MMS22L: variants seen among roughly 807,000 people sequenced by gnomAD.
The protein encoded by MMS22L is MMS22 like, DNA repair protein.
MMS22L carries 74 observed loss-of-function variants against 159.1 expected under a neutral mutation model. The observed-to-expected ratio is 0.47, with a 90% CI of 0.39 to 0.56. MMS22L has a LOEUF of 0.56. Among genes scored for constraint, MMS22L ranks in the 20% least tolerant of loss-of-function variants. The pLI is 0.00. For synonymous variants in MMS22L, 517 were observed against 506.9 expected, an observed-to-expected ratio of 1.02 and a Z score of -0.27; for missense variants, 1,351 against 1,422.1, an observed-to-expected ratio of 0.95 and a Z score of 0.80.
At chr6:97,223,683 A>T (rs1809902348) in intron 14 of MMS22L, among the ~76,000 whole-genome samples, 1 of 152,108 alleles carries the variant, frequency 6.6e-6, no homozygotes, top group Admixed American at 6.5e-5. Flanking sequence ...CTTTATTTTT[A>T]AGGTAAACAA....
At chr6:97,278,128 A>G (rs1816417789) in intron 4 of MMS22L, among the ~76,000 whole-genome samples, 1 of 152,078 alleles carries the variant, frequency 6.6e-6, no homozygotes, top group Non-Finnish European at 1.5e-5. Flanking sequence ...TTAGCTATAC[A>G]TGCGGTGGCT....
At chr6:97,201,520 A>C (rs1341280552) in intron 14 of MMS22L, among the ~76,000 whole-genome samples, 2 of 152,198 alleles carry the variant, frequency 1.3e-5, no homozygotes, top group Non-Finnish European at 2.9e-5. Flanking sequence ...GATCGAACCC[A>C]CCATCAACAA....
rs1490333222 is a variant in MMS22L at position 97,272,792 on chromosome 6, T to C, written c.518A>G (p.Glu173Gly). Residue 173 changes from glutamate to glycine, a missense_variant, in exon 6 of 25, where the codon GAG becomes GGG. Glu to Gly is a moderately conservative substitution (Grantham distance 98). Transcript: ENST00000683635. ...AATATACAAGAGTAATCCATGAAGCTCATCAATCAACACTGAGGGAAGCTG... is the reference window on the plus strand; with the variant it reads ...AATATACAAGAGTAATCCATGAAGCCCATCAATCAACACTGAGGGAAGCTG... Reference protein sequence around the residue: ...EAQLPSVLIDELHGLLLYIGH... With the variant: ...EAQLPSVLIDGLHGLLLYIGH... The C allele has an allele frequency of 4.3e-6, 7 of 1,614,016 alleles. No individual in the cohort carries two copies. Among genetic ancestry groups the C allele is most frequent in the Non-Finnish European group, 5.9e-6 (7 of 1,179,922 alleles).
At chr6:97,201,615 T>G (rs1330365500) in intron 14 of MMS22L, among the ~76,000 whole-genome samples, 2 of 152,228 alleles carry the variant, frequency 1.3e-5, no homozygotes, top group Non-Finnish European at 2.9e-5. Flanking sequence ...GCACCAGCTA[T>G]GCTGTAAAAC....
At chr6:97,259,288 T>C (rs1814182567) in intron 9 of MMS22L, 1 of 152,204 alleles carries the variant, frequency 6.6e-6, no homozygotes, top group Non-Finnish European at 1.5e-5. Flanking sequence ...ATTTTATGTG[T>C]CAACTTGAAC....
At chr6:97,268,655 T>A (rs1815409393) in intron 7 of MMS22L, among the ~76,000 whole-genome samples, 1 of 152,192 alleles carries the variant, frequency 6.6e-6, no homozygotes, top group African/African-American at 2.4e-5. Context: ...ATTATTTTTT[T>A]AACAAATACT....
chr6:97,198,697 G>A (rs1340164822), intron 14 of MMS22L, among the ~76,000 whole-genome samples: 2 of 152,054 alleles, frequency 1.3e-5, no homozygotes, highest in Non-Finnish European at 2.9e-5. Context: ...TACAAAGGCA[G>A]ACTTAGACAA....
At chr6:97,212,730 G>A (rs1270875999) in intron 14 of MMS22L, among the ~76,000 whole-genome samples, 1 of 152,160 alleles carries the variant, frequency 6.6e-6, no homozygotes, top group Non-Finnish European at 1.5e-5. Flanking sequence ...GAAAAATACA[G>A]TAATTTTTTT....
rs34561905 is a variant in MMS22L, at chr6:97,195,716, G to C, written c.2040-9026C>G. Among the ~76,000 whole-genome samples the C allele has an allele frequency of 5.3e-4, 81 of 152,294 alleles. 1 individual carries two copies. The highest frequency in any genetic ancestry group is 1.9e-3 in the African/African-American group (78 of 41,564). ...GAAGACACTGAAGGATTCTGAACTG[G>C]AGGGTGATATAATGAAAAAAGTGCT... On this transcript the variant is annotated intron_variant, in intron 14 of 24. Transcript: ENST00000683635.
intron 18 of MMS22L, among the ~76,000 whole-genome samples, chr6:97,176,064 C>T (rs545372309): frequency 2.0e-5 from 3 of 152,158 alleles, no homozygotes; most frequent in Non-Finnish European, 2.9e-5. Context: ...AGTACATGTA[C>T]TCAAGAGTCA....
At chr6:97,157,488 G>A (rs760802654) in intron 22 of MMS22L, among the ~76,000 whole-genome samples, 10 of 152,080 alleles carry the variant, frequency 6.6e-5, no homozygotes, top group Non-Finnish European at 4.4e-5. Flanking sequence ...TTTGAGACAC[G>A]TTCCATCAAT....
chr6:97,185,293 C>T (rs1805108268), intron 15 of MMS22L, among the ~76,000 whole-genome samples: 1 of 152,118 alleles, frequency 6.6e-6, no homozygotes, highest in Non-Finnish European at 1.5e-5. Context: ...CCATTAGTAT[C>T]TCTCCAATGC....
chr6:97,151,801 T>G lies in MMS22L; in HGVS notation c.3452A>C (p.Glu1151Ala), dbSNP rs1161155807. 1.9e-6 allele frequency: 3 copies of G among 1,613,744 alleles called. No homozygotes were observed. In the South Asian group the frequency reaches 3.3e-5, roughly 18 times the overall value. Residue 1151 changes from glutamate (E) to alanine (A), a missense_variant, in exon 23 of 25, where the codon GAA (glutamate) becomes GCA (alanine). Glu to Ala is a moderately radical substitution (Grantham distance 107, BLOSUM62 -1). Transcript: ENST00000683635. ...CACAGAAGTCAGCTGGGAGGAAGGT[T>G]CTTCTTCTGACCCCACTTGGCAGGC... ...VKACQVGSEE[E>A]PSSQLTSVFR...
intron 14 of MMS22L, among the ~76,000 whole-genome samples, chr6:97,192,626 A>G (rs1562441795): frequency 2.0e-5 from 3 of 152,212 alleles, no homozygotes; most frequent in Non-Finnish European, 4.4e-5. Context: ...CTAGAAAGAT[A>G]CAAGCTTTGG....
chr6:97,274,810 A>G (rs1816098764), intron 4 of MMS22L, among the ~76,000 whole-genome samples: 1 of 152,182 alleles, frequency 6.6e-6, no homozygotes. Flanking sequence ...AATATTACCC[A>G]ACGCCAGGGA....
At chr6:97,278,328 G>A (rs1233298452) in intron 4 of MMS22L, among the ~76,000 whole-genome samples, 3 of 151,398 alleles carry the variant, frequency 2.0e-5, no homozygotes, top group East Asian at 1.9e-4. Flanking sequence ...ACTTGAACCC[G>A]GGGGGCAGAG....
At chr6:97,199,726 A>G (rs556024505) in intron 14 of MMS22L, among the ~76,000 whole-genome samples, 1 of 152,032 alleles carries the variant, frequency 6.6e-6, no homozygotes, top group East Asian at 1.9e-4. Flanking sequence ...TGGATTTCAA[A>G]ACTCAGTCAA....
chr6:97,189,601 A>C (rs1405745546), intron 14 of MMS22L, among the ~76,000 whole-genome samples: 1 of 150,920 alleles, frequency 6.6e-6, no homozygotes, highest in East Asian at 1.9e-4. Flanking sequence ...TAAAAAAAAA[A>C]AACCATTGTG....
At chr6:97,229,511 A>C in intron 13 of MMS22L, 108 bp from the exon 14 acceptor site, 1 of 781,466 alleles carries the variant, frequency 1.3e-6, no homozygotes, top group South Asian at 2.4e-5. Context: ...TTAAATTTTA[A>C]GCTAATTCTT....
Sources: gnomAD v4.1 joint callset for allele counts (sites outside exome capture counted in the v4.1 genomes callset) on GRCh38, gnomAD v4.1.1 for gene constraint, MANE v1.5 for transcripts, NCBI Gene and HGNC (gene_info 2026-07-23, HGNC 2026-07-21) for gene names.